LMO7: variants seen among roughly 807,000 people sequenced by gnomAD.
LMO7 encodes LIM domain 7, also known as LIM domain only protein 7.
In LMO7, 120 loss-of-function variants were observed where a neutral mutation model predicts 206.5. The observed-to-expected ratio is 0.58, with a 90% CI of 0.50 to 0.68. The LOEUF (loss-of-function observed/expected upper bound fraction) is 0.68, where lower values mean the gene tolerates loss of function less well. Ranked by LOEUF, LMO7 falls within the 30% of genes least tolerant of loss-of-function variation. The pLI is 0.00. For missense variants in LMO7, 1,959 were observed against 1,957.9 expected, an observed-to-expected ratio of 1.00 and a Z score of -0.01; for synonymous variants, 706 against 681.5, an observed-to-expected ratio of 1.04 and a Z score of -0.56.
At chr13:75,809,678 C>T (rs2056047786) in intron 11 of LMO7, among the ~76,000 whole-genome samples, 1 of 152,110 alleles carries the variant, frequency 6.6e-6, no homozygotes, top group Non-Finnish European at 1.5e-5. Flanking sequence ...ATGCATTAAA[C>T]TTCCCTAGGT....
intron 3 of LMO7, among the ~76,000 whole-genome samples, chr13:75,745,493 A>T (rs1458501893): frequency 1.3e-5 from 2 of 152,212 alleles, no homozygotes; most frequent in African/African-American, 4.8e-5. Flanking sequence ...AATCAAGAAG[A>T]TGAGGGAAAG....
At chr13:75,779,795 A>G (rs2140278177) in intron 4 of LMO7, among the ~76,000 whole-genome samples, 1 of 152,298 alleles carries the variant, frequency 6.6e-6, no homozygotes, top group East Asian at 1.9e-4. Flanking sequence ...AAAAACAGAC[A>G]TTATGATTTA....
intron 4 of LMO7, among the ~76,000 whole-genome samples, chr13:75,780,716 T>G (rs1233575994): frequency 6.6e-6 from 1 of 152,204 alleles, no homozygotes; most frequent in African/African-American, 2.4e-5. Flanking sequence ...CCATGAAATC[T>G]TCACAATTTA....
Position 75,621,584 on chromosome 13 carries a change from T to C in LMO7, c.-110T>C, listed in dbSNP as rs554110786. Reference sequence around the variant, plus strand: ...ACCATTCATGTTTCATTTATAGCTATTTGAATTTTGATGAATTTCAATATG... The same window carrying C: ...ACCATTCATGTTTCATTTATAGCTACTTGAATTTTGATGAATTTCAATATG... On this transcript the variant is annotated 5_prime_UTR_variant, in exon 1 of 30. Coordinates refer to the LMO7 transcript ENST00000341547. The C allele has an allele frequency of 6.7e-6, 3 of 446,462 alleles. No homozygotes were observed. In the South Asian group the frequency reaches 3.1e-4, roughly 46 times the overall value. The allele number at this position is 446,462 out of a possible 1,614,324, so 27.7% of individuals were successfully genotyped here. A position where few individuals can be genotyped will look rare whatever the true frequency, so the allele number is the denominator to read the frequency against.
chr13:75,850,254 T>C (rs543074825), intron 27 of LMO7, among the ~76,000 whole-genome samples: 17 of 152,280 alleles, frequency 1.1e-4, no homozygotes, highest in Non-Finnish European at 1.9e-4. Context: ...TTGTAAAGAG[T>C]TAAAATTGAT....
chr13:75,854,168 A>G (rs1156237706), intron 28 of LMO7, among the ~76,000 whole-genome samples: 1 of 152,220 alleles, frequency 6.6e-6, no homozygotes, highest in Non-Finnish European at 1.5e-5. Context: ...TCCTCACCCC[A>G]AGAAAGTGCT....
rs769194549 is a variant in LMO7, at chr13:75,807,614, A to G, written c.1331A>G (p.Tyr444Cys). 2.5e-6 allele frequency: 4 copies of G among 1,613,880 alleles called. No homozygotes were observed. The highest frequency in any genetic ancestry group is 2.7e-5 in the African/African-American group (2 of 74,936). ...AAGAATCTCTCTTATGCACCAGGCT[A>G]TAGAAGAGATGACCTCGAGATGGCA... ...RRKNLSYAPGYRRDDLEMAAL... is the reference protein window; with the variant it reads ...RRKNLSYAPGCRRDDLEMAAL... Residue 444 changes from tyrosine (Y) to cysteine (C), a missense_variant, in exon 10 of 31, where the codon TAT becomes TGT. Tyr to Cys is a radical substitution (Grantham distance 194, BLOSUM62 -2). Transcript: ENST00000377534.
At position 75,675,272 on chromosome 13, in the gene LMO7, C is replaced by T. The variant is rs187604701; in HGVS notation, c.70-37910C>T. Among the ~76,000 whole-genome samples the T allele has an allele frequency of 7.2e-4, 110 of 152,104 alleles. 1 individual carries two copies. The highest frequency in any genetic ancestry group is 1.6e-3 in the Admixed American group (25 of 15,274). On this transcript the variant is annotated intron_variant, in intron 1 of 30. Transcript: ENST00000377534. ...TATTTTTAGTAGAGACGGGGTTTCACCATGTTGGCCAGGCTGGTCTCAAAC... is the reference window on the plus strand; with the variant it reads ...TATTTTTAGTAGAGACGGGGTTTCATCATGTTGGCCAGGCTGGTCTCAAAC...
At chr13:75,713,944 C>T (rs950911952) in intron 2 of LMO7, among the ~76,000 whole-genome samples, 2 of 152,098 alleles carry the variant, frequency 1.3e-5, no homozygotes, top group African/African-American at 2.4e-5. Flanking sequence ...AGGATGAAAT[C>T]CTGGGTGAAG....
intron 8 of LMO7, chr13:75,805,024 C>T: frequency 1.0e-6 from 1 of 1,000,428 alleles, no homozygotes; most frequent in Non-Finnish European, 1.2e-6. Context: ...GATGACTTAG[C>T]CAACCGTAGA....
At chr13:75,698,377 C>T (rs1167353757) in intron 1 of LMO7, among the ~76,000 whole-genome samples, 1 of 152,102 alleles carries the variant, frequency 6.6e-6, no homozygotes, top group Non-Finnish European at 1.5e-5. Flanking sequence ...TCATAGCTTA[C>T]TGCAGTCTTG....
At chr13:75,785,146 A>G (rs1366732514) in intron 4 of LMO7, among the ~76,000 whole-genome samples, 3 of 152,170 alleles carry the variant, frequency 2.0e-5, no homozygotes, top group African/African-American at 7.2e-5. Context: ...CAGGGTTTGA[A>G]TCAATACTTT....
At chr13:75,776,161 G>GGATATA (rs1326499336) in intron 4 of LMO7, among the ~76,000 whole-genome samples, 1 of 16,876 alleles carries the variant, frequency 5.9e-5, no homozygotes, top group African/African-American at 1.6e-4. Flanking sequence ...TATATATATC[G>GGATATA]GATATATATA....
In LMO7 at chr13:75,859,845, T is replaced by C. The variant is rs2061161843; in HGVS notation, c.*1902T>C. 1 of 152,218 alleles carries C rather than the reference T, an allele frequency of 6.6e-6. No homozygotes were observed. The highest frequency in any genetic ancestry group is 1.5e-5 in the Non-Finnish European group (1 of 68,048). The allele number at this position is 152,218 out of a possible 1,614,324, so 9.4% of individuals were successfully genotyped here. On this transcript the variant is annotated 3_prime_UTR_variant, in exon 31 of 31. Transcript: ENST00000377534. ...CAGCCCTCAATATGCAGTGGTTGAATAAATGAATGAAGAAACCACTATCAA... is the reference window on the plus strand; with the variant it reads ...CAGCCCTCAATATGCAGTGGTTGAACAAATGAATGAAGAAACCACTATCAA...
At chr13:75,647,521 C>A (rs2037139360) in intron 1 of LMO7, among the ~76,000 whole-genome samples, 2 of 152,228 alleles carry the variant, frequency 1.3e-5, no homozygotes, top group Non-Finnish European at 2.9e-5. Flanking sequence ...GAAGATGAGC[C>A]TTTTCAGCTG....
At chr13:75,689,869 A>G (rs1235718695) in intron 1 of LMO7, among the ~76,000 whole-genome samples, 2 of 152,104 alleles carry the variant, frequency 1.3e-5, no homozygotes, top group Admixed American at 6.5e-5. Flanking sequence ...CAGCTTTTAG[A>G]GGGCTTATTG....
In LMO7 at chr13:75,720,303, G is replaced by T. The variant is rs530713769; in HGVS notation, c.141-6726G>T. Among the ~76,000 whole-genome samples the T allele has an allele frequency of 2.6e-5, 4 of 152,204 alleles. No homozygotes were observed. In the South Asian group the frequency reaches 6.2e-4, roughly 24 times the overall value. On this transcript the variant is annotated intron_variant, in intron 2 of 30. Transcript: ENST00000377534. The stretch of plus-strand genomic sequence containing the variant: ...GGCTTGTCTTTTTATTCCCTTGACA[G>T]TGTCTTTCACAAAGCAGATATTTTT...
At chr13:75,731,816 G>T (rs1049218853) in intron 3 of LMO7, among the ~76,000 whole-genome samples, 36 of 152,046 alleles carry the variant, frequency 2.4e-4, no homozygotes, top group African/African-American at 6.3e-4. Context: ...CTCTTTTAGG[G>T]CAGGCCTGGT....
chr13:75,802,566 C>T (rs577736324), intron 7 of LMO7, among the ~76,000 whole-genome samples: 39 of 152,308 alleles, frequency 2.6e-4, no homozygotes, highest in South Asian at 8.3e-4. Context: ...GCCCACCCAG[C>T]GGTGTGGAAT....
Sources: allele counts gnomAD v4.1 joint callset (sites outside exome capture counted in the v4.1 genomes callset), GRCh38; gene constraint gnomAD v4.1.1; transcripts MANE v1.5; gene names NCBI Gene and HGNC (gene_info 2026-07-23, HGNC 2026-07-21).